The following FAF1 variants were observed in gnomAD, a reference collection of about 807,000 sequenced individuals.
The protein encoded by FAF1 is Fas associated factor 1, also known as FAS-associated factor 1.
Under a neutral mutation model 92.5 loss-of-function variants are expected in FAF1, and 25 were observed. The ratio of observed to expected loss-of-function variants is 0.27; its 90% CI spans 0.20 to 0.38. FAF1 has a LOEUF of 0.38. Among genes scored for constraint, FAF1 ranks in the 10% least tolerant of loss-of-function variants. FAF1 has a pLI of 1.00. For synonymous variants in FAF1, 234 were observed against 273.2 expected (o/e 0.86, Z 1.42); for missense variants, 636 against 793.3 (o/e 0.80, Z 2.38).
chr1:50,834,887 G>C (rs1453158331), intron 2 of FAF1, among the ~76,000 whole-genome samples: 1 of 152,028 alleles, frequency 6.6e-6, no homozygotes. Context: ...ACACGGCAAA[G>C]AAAAAATACC....
intron 2 of FAF1, among the ~76,000 whole-genome samples, chr1:50,848,233 C>T (rs1434796788): frequency 6.6e-6 from 1 of 152,068 alleles, no homozygotes; most frequent in Non-Finnish European, 1.5e-5. Flanking sequence ...AACTGACTAC[C>T]AGAAGTAAAA....
chr1:50,749,237 G>C (rs1380175528), intron 4 of FAF1, among the ~76,000 whole-genome samples: 1 of 152,176 alleles, frequency 6.6e-6, no homozygotes, highest in Non-Finnish European at 1.5e-5. Context: ...TTATGCATTT[G>C]CAAGTCTGTC....
chr1:50,770,249 T>C (rs1276124405), intron 4 of FAF1, among the ~76,000 whole-genome samples: 3 of 152,144 alleles, frequency 2.0e-5, no homozygotes, highest in African/African-American at 7.2e-5. Context: ...CTGGAAGTCC[T>C]AGCCAGAGCA....
At chr1:50,846,702 T>C (rs1430430540) in intron 2 of FAF1, 2 of 599,702 alleles carry the variant, frequency 3.3e-6, no homozygotes, top group East Asian at 8.2e-5. Context: ...GAAAGCATGA[T>C]GGAGCACTTC....
chr1:50,613,950 A>T (rs1007601406), intron 8 of FAF1, among the ~76,000 whole-genome samples: 2 of 152,222 alleles, frequency 1.3e-5, no homozygotes, highest in East Asian at 3.9e-4. Context: ...TACAAAAATT[A>T]TCCGGGCGTG....
intron 8 of FAF1, among the ~76,000 whole-genome samples, chr1:50,601,678 A>G (rs1652136642): frequency 6.6e-6 from 1 of 151,650 alleles, no homozygotes; most frequent in Admixed American, 6.6e-5. Flanking sequence ...AGTCTCAAAC[A>G]ATACATATAT....
chr1:50,762,762 T>G (rs1023776700), intron 4 of FAF1, among the ~76,000 whole-genome samples: 33 of 152,094 alleles, frequency 2.2e-4, no homozygotes, highest in African/African-American at 7.7e-4. Flanking sequence ...GCATTACCAT[T>G]CAGGACATAG....
intron 4 of FAF1, among the ~76,000 whole-genome samples, chr1:50,745,013 T>G (rs1366529058): frequency 6.6e-6 from 1 of 152,102 alleles, no homozygotes; most frequent in Non-Finnish European, 1.5e-5. Flanking sequence ...CTAGGCTGGG[T>G]GTGGTTGCTC....
intron 17 of FAF1, among the ~76,000 whole-genome samples, chr1:50,477,200 C>A (rs776830587): frequency 5.3e-5 from 8 of 152,126 alleles, no homozygotes; most frequent in Non-Finnish European, 1.2e-4. Flanking sequence ...CTAGTCTAGC[C>A]TATGACTGAG....
chr1:50,858,141 C>A lies in FAF1; in HGVS notation c.46-144G>T, dbSNP rs1468515277. 5 of 507,946 alleles carry A rather than the reference C, an allele frequency of 9.8e-6. No individual in the cohort carries two copies. In the African/African-American group the frequency reaches 1.0e-4, roughly 10 times the overall value. The allele number at this position is 507,946 out of a possible 1,614,324, so 31.5% of individuals were successfully genotyped here. ...CCAAAACACTAAAAGTTTAACACTT[C>A]TAAGCATTTTACATATATGGTGTGA... is the stretch of plus-strand genomic sequence containing the variant. On this transcript the variant is annotated intron_variant, in intron 1 of 18. Coordinates refer to ENST00000396153, the MANE Select transcript of FAF1 (RefSeq NM_007051.3).
At chr1:50,932,100 G>A (rs1396948521) in intron 1 of FAF1, among the ~76,000 whole-genome samples, 2 of 151,836 alleles carry the variant, frequency 1.3e-5, no homozygotes, top group East Asian at 1.9e-4. Context: ...TCTGGGAGAC[G>A]AAAATTCAAG....
chr1:50,754,753 G>T (rs546442515), intron 4 of FAF1, among the ~76,000 whole-genome samples: 4 of 152,154 alleles, frequency 2.6e-5, no homozygotes, highest in African/African-American at 9.7e-5. Flanking sequence ...AAAGAAAGAG[G>T]TTTAATGGAC....
At chr1:50,533,009 C>T (rs759625232) in intron 15 of FAF1, among the ~76,000 whole-genome samples, 3 of 151,986 alleles carry the variant, frequency 2.0e-5, no homozygotes, top group Admixed American at 6.6e-5. Context: ...AGAGATGGGG[C>T]CTTGCTATGT....
chr1:50,496,175 T>C (rs1306074919), intron 15 of FAF1, among the ~76,000 whole-genome samples: 1 of 152,204 alleles, frequency 6.6e-6, no homozygotes, highest in Non-Finnish European at 1.5e-5. Context: ...TAGACTTTTT[T>C]CAAATACTTA....
At chr1:50,594,449 T>C (rs1292175864) in intron 9 of FAF1, among the ~76,000 whole-genome samples, 3 of 152,208 alleles carry the variant, frequency 2.0e-5, no homozygotes, top group African/African-American at 7.2e-5. Context: ...AAATATTTCT[T>C]AAATAAGTTA....
chr1:50,878,075 T>C (rs1644584845), intron 1 of FAF1, among the ~76,000 whole-genome samples: 1 of 152,166 alleles, frequency 6.6e-6, no homozygotes, highest in African/African-American at 2.4e-5. Context: ...AAACAATATA[T>C]AACATTTCTC....
At chr1:50,473,561 T>A (rs972417206) in intron 18 of FAF1, among the ~76,000 whole-genome samples, 21 of 152,200 alleles carry the variant, frequency 1.4e-4, no homozygotes, top group Admixed American at 1.4e-3. Flanking sequence ...TGTTAAATGT[T>A]CACACACTGA....
rs576393985 is a variant in FAF1, at chr1:50,556,179, A to C, written c.1268+10898T>G. Reference sequence around the variant, plus strand: ...CGTGAACCCAGGAGGCGGAGCTTGCAGTGAGCCAAGATCGCGCCACTGCAC... The same window carrying C: ...CGTGAACCCAGGAGGCGGAGCTTGCCGTGAGCCAAGATCGCGCCACTGCAC... On this transcript the variant is annotated intron_variant, in intron 13 of 18. Coordinates refer to ENST00000396153, the MANE Select transcript of FAF1 (RefSeq NM_007051.3). 2.0e-5 allele frequency among the ~76,000 whole-genome samples: 3 copies of C among 147,782 alleles called. No individual in the cohort carries two copies. The East Asian group carries it at 6.1e-4, about 30-fold the overall frequency.
intron 7 of FAF1, among the ~76,000 whole-genome samples, chr1:50,670,207 G>C (rs980274867): frequency 6.6e-6 from 1 of 151,830 alleles, no homozygotes; most frequent in African/African-American, 2.4e-5. Context: ...CCGGGGGTGA[G>C]ATAGGGGAGG....
Sources: gnomAD v4.1 joint callset for allele counts (sites outside exome capture counted in the v4.1 genomes callset) on GRCh38, gnomAD v4.1.1 for gene constraint, MANE v1.5 for transcripts, NCBI Gene and HGNC (gene_info 2026-07-23, HGNC 2026-07-21) for gene names.